PTRH2: variants seen among roughly 807,000 people sequenced by gnomAD.
PTRH2 encodes peptidyl-tRNA hydrolase 2.
In PTRH2, 10 loss-of-function variants were observed where a neutral mutation model predicts 12.3. The ratio of observed to expected loss-of-function variants is 0.81; its 90% CI spans 0.50 to 1.38. The LOEUF is 1.38. PTRH2 is among the 40% of genes most tolerant of loss of function. The pLI is 0.00. For synonymous variants in PTRH2, 73 were observed against 77.4 expected (o/e 0.94, Z 0.30); for missense variants, 176 against 214.1 (o/e 0.82, Z 1.11).
chr17:59,703,514 T>C (rs116299733), intron 1 of PTRH2, among the ~76,000 whole-genome samples: 217 of 152,296 alleles, frequency 1.4e-3, no homozygotes, highest in African/African-American at 5.0e-3. Flanking sequence ...TTGTTCTTTT[T>C]TCTTTTTGAG....
At chr17:59,701,541 C>T (rs939771314) in intron 1 of PTRH2, 3 of 152,194 alleles carry the variant, frequency 2.0e-5, no homozygotes, top group Admixed American at 2.0e-4. Flanking sequence ...TTCCCTTCCA[C>T]AAATACTGAT....
At chr17:59,704,580 T>C (rs978519258) in intron 1 of PTRH2, among the ~76,000 whole-genome samples, 4 of 152,104 alleles carry the variant, frequency 2.6e-5, no homozygotes, top group Non-Finnish European at 4.4e-5. Flanking sequence ...GACTAAAACA[T>C]AATCCTGAGG....
intron 1 of PTRH2, among the ~76,000 whole-genome samples, chr17:59,704,554 T>G (rs1056255082): frequency 6.6e-6 from 1 of 152,092 alleles, no homozygotes; most frequent in Non-Finnish European, 1.5e-5. Context: ...TGGACAAATA[T>G]GTAGAATGAA....
Position 59,697,579 on chromosome 17 carries a change from TTG to T in PTRH2, c.398_399del (p.Ala133GlufsTer37). ...AAACTTACAGTCAGTCCCAGCATTTTTGCATGGGCCAATAATGCAATCAGGGT... is the reference window on the plus strand; with the variant it reads ...AAACTTACAGTCAGTCCCAGCATTTTCATGGGCCAATAATGCAATCAGGGT... ...EETLIALLAHAKMLGLTVSLI... is the reference protein window; with the variant it reads ...EETLIALLAHXKMLGLTVSLI... On this transcript the variant is annotated frameshift_variant, in exon 2 of 2. Coordinates refer to ENST00000393038, the MANE Select transcript of PTRH2 (RefSeq NM_016077.5). LOFTEE classifies it high-confidence loss of function. The T allele has an allele frequency of 5.0e-6, 8 of 1,614,212 alleles. No homozygotes were observed. Among genetic ancestry groups the T allele is most frequent in the Non-Finnish European group, 6.8e-6 (8 of 1,180,026 alleles).
chr17:59,702,782 A>G (rs1226125086), intron 1 of PTRH2, among the ~76,000 whole-genome samples: 2 of 152,220 alleles, frequency 1.3e-5, no homozygotes, highest in Admixed American at 6.5e-5. Context: ...TGGCTTTACA[A>G]TGGTTCAAAA....
At chr17:59,703,402 TA>T (rs1567988757) in intron 1 of PTRH2, among the ~76,000 whole-genome samples, 1 of 152,310 alleles carries the variant, frequency 6.6e-6, no homozygotes, top group Non-Finnish European at 1.5e-5. Context: ...CATCTATATA[TA>T]ATTATGATCC....
intron 1 of PTRH2, among the ~76,000 whole-genome samples, chr17:59,704,531 G>C (rs1020465372): frequency 1.3e-5 from 2 of 152,208 alleles, no homozygotes; most frequent in Non-Finnish European, 2.9e-5. Context: ...AGATGGAAGA[G>C]TATGAGGCCA....
In PTRH2 at chr17:59,697,772, A is replaced by G. The variant is rs757015560; in HGVS notation, c.207T>C (p.Leu69=). ...LGDSGEYKMI[L]VVRNDLKMGK... ...CCATCTTTAAGTCATTTCGAACCAC[A>G]AGAATCATCTTGTACTCCCCGCTGT... Residue 69 remains leucine, a synonymous_variant, in exon 2 of 2, where the codon CTT becomes CTC. Transcript: ENST00000393038. 2.1e-5 allele frequency: 34 copies of G among 1,614,062 alleles called. No homozygotes were observed. The highest frequency in any genetic ancestry group is 2.7e-5 in the Non-Finnish European group (32 of 1,180,036).
chr17:59,699,169 GA>G, intron 1 of PTRH2: 4 of 359,704 alleles, frequency 1.1e-5, no homozygotes, highest in Non-Finnish European at 1.5e-5. Context: ...CAACTGTGGC[GA>G]ATCTCTCGTA....
intron 1 of PTRH2, chr17:59,707,071 G>T (rs1418922031): frequency 6.6e-6 from 1 of 152,328 alleles, no homozygotes; most frequent in East Asian, 1.9e-4. Context: ...CTGAGGGTAT[G>T]AGGCCTGCTC....
At chr17:59,700,887 TCAGA>T (rs1463802802) in intron 1 of PTRH2, 1 of 151,984 alleles carries the variant, frequency 6.6e-6, no homozygotes, top group African/African-American at 2.4e-5. Context: ...GGGAAGGAGC[TCAGA>T]CAGAAGTTAA....
At chr17:59,705,931 A>G (rs2143655617) in intron 1 of PTRH2, among the ~76,000 whole-genome samples, 1 of 151,992 alleles carries the variant, frequency 6.6e-6, no homozygotes, top group African/African-American at 2.4e-5. Context: ...AAAACCCAAT[A>G]AGATCAAAAA....
At chr17:59,706,012 C>A (rs2033645999) in intron 1 of PTRH2, among the ~76,000 whole-genome samples, 1 of 151,708 alleles carries the variant, frequency 6.6e-6, no homozygotes, top group Non-Finnish European at 1.5e-5. Context: ...AGTGTCTAAT[C>A]ATAAAAATGC....
intron 1 of PTRH2, among the ~76,000 whole-genome samples, chr17:59,706,663 A>C (rs543879686): frequency 6.8e-4 from 83 of 122,906 alleles, no homozygotes; most frequent in South Asian, 1.8e-3. Context: ...AAAGGGGGGA[A>C]ATTTTTTCTT....
rs11870339 is a variant in PTRH2 at position 59,699,619 on chromosome 17, C to A, written c.1-1641G>T. ...TGTATCTGGTCTTCCATCCACATAA[C>A]AAGTAATTTTTCCATATCATCAATT... On this transcript the variant is annotated intron_variant, in intron 1 of 1. Transcript: ENST00000393038. The A allele has an allele frequency of 1.1e-3, 172 of 152,778 alleles. 1 individual carries two copies. The highest frequency in any genetic ancestry group is 0.01 in the Middle Eastern group (3 of 294). 9.5% of individuals were successfully genotyped at this position (152,778 alleles called of 1,614,324 possible).
intron 1 of PTRH2, among the ~76,000 whole-genome samples, chr17:59,705,149 C>A (rs2033617229): frequency 6.6e-6 from 1 of 152,168 alleles, no homozygotes. Context: ...CAACCAGACT[C>A]CAAACTGAAC....
chr17:59,703,006 A>T (rs2033581109), intron 1 of PTRH2, among the ~76,000 whole-genome samples: 1 of 151,926 alleles, frequency 6.6e-6, no homozygotes, highest in African/African-American at 2.4e-5. Flanking sequence ...TATTAAATTT[A>T]TTTCCAACTT....
intron 1 of PTRH2, chr17:59,698,750 T>TA: frequency 1.6e-6 from 1 of 640,400 alleles, no homozygotes; most frequent in South Asian, 1.8e-5. Flanking sequence ...TCAGAACACT[T>TA]ACATTAGCCT....
At chr17:59,706,508 A>C (rs544171280) in intron 1 of PTRH2, among the ~76,000 whole-genome samples, 1 of 151,062 alleles carries the variant, frequency 6.6e-6, no homozygotes, top group South Asian at 2.1e-4. Context: ...ACAACCGAAA[A>C]AAACAAACAA....
Sources: gnomAD v4.1 joint callset for allele counts (sites outside exome capture counted in the v4.1 genomes callset) on GRCh38, gnomAD v4.1.1 for gene constraint, MANE v1.5 for transcripts, NCBI Gene and HGNC (gene_info 2026-07-23, HGNC 2026-07-21) for gene names.